GALNT7: variants seen among roughly 807,000 people sequenced by gnomAD.
GALNT7 encodes the protein N-acetylgalactosaminyltransferase 7.
In GALNT7, 60 loss-of-function variants were observed where a neutral mutation model predicts 82.1. That is an observed-to-expected ratio of 0.73 (90% CI 0.59 to 0.91). The LOEUF is 0.91. Ranked by LOEUF, GALNT7 falls within the 40% of genes least tolerant of loss-of-function variation. GALNT7 has a pLI of 0.00. For missense variants in GALNT7, 660 were observed against 804.2 expected (o/e 0.82, Z 2.17); for synonymous variants, 243 against 275.1 (o/e 0.88, Z 1.15).
chr4:173,176,174 A>G (rs1392079848), intron 1 of GALNT7, among the ~76,000 whole-genome samples: 1 of 152,222 alleles, frequency 6.6e-6, no homozygotes, highest in East Asian at 1.9e-4. Flanking sequence ...TTCAGGAGTA[A>G]GTGTAAGACT....
At chr4:173,291,527 A>T (rs1367776613) in intron 2 of GALNT7, among the ~76,000 whole-genome samples, 1 of 152,242 alleles carries the variant, frequency 6.6e-6, no homozygotes, top group African/African-American at 2.4e-5. Context: ...TGTTTCAAAT[A>T]GTTGTGTAGA....
At chr4:173,248,521 TGAA>T (rs1213379090) in intron 2 of GALNT7, 81 bp downstream of exon 2, 2 of 858,946 alleles carry the variant, frequency 2.3e-6, no homozygotes, top group Non-Finnish European at 3.6e-6. Flanking sequence ...ATTGTTAGAA[TGAA>T]GAAATAATTA....
intron 2 of GALNT7, among the ~76,000 whole-genome samples, chr4:173,281,396 G>T (rs954005381): frequency 6.6e-6 from 1 of 152,128 alleles, no homozygotes; most frequent in East Asian, 1.9e-4. Flanking sequence ...TCTGAAGCCC[G>T]CTTGTCTACA....
chr4:173,279,860 A>C (rs971821742), intron 2 of GALNT7, among the ~76,000 whole-genome samples: 1 of 152,106 alleles, frequency 6.6e-6, no homozygotes, highest in African/African-American at 2.4e-5. Flanking sequence ...CTGTAGTCCC[A>C]GCTCTTCGGG....
At chr4:173,178,011 G>C (rs1318455676) in intron 1 of GALNT7, among the ~76,000 whole-genome samples, 5 of 38,398 alleles carry the variant, frequency 1.3e-4, no homozygotes, top group African/African-American at 3.7e-4. Context: ...GCAAGTCTGT[G>C]TGTGTGTGTG....
intron 2 of GALNT7, among the ~76,000 whole-genome samples, chr4:173,285,291 T>C (rs1323440392): frequency 6.6e-6 from 1 of 152,244 alleles, no homozygotes; most frequent in Non-Finnish European, 1.5e-5. Flanking sequence ...GATTTTTAAC[T>C]TTAATGTAAA....
chr4:173,256,559 C>T (rs978047927), intron 2 of GALNT7, among the ~76,000 whole-genome samples: 1 of 151,014 alleles, frequency 6.6e-6, no homozygotes, highest in Admixed American at 6.6e-5. Flanking sequence ...CCCTCCCTCC[C>T]TTCCTTCCTT....
chr4:173,246,653 TA>T (rs1262317399), intron 1 of GALNT7, among the ~76,000 whole-genome samples: 1 of 152,246 alleles, frequency 6.6e-6, no homozygotes, highest in Non-Finnish European at 1.5e-5. Context: ...ACGTCTGAAA[TA>T]ACTGACTTTC....
intron 1 of GALNT7, among the ~76,000 whole-genome samples, chr4:173,191,211 A>T (rs1732617030): frequency 6.6e-6 from 1 of 151,042 alleles, no homozygotes; most frequent in South Asian, 2.1e-4. Flanking sequence ...TGGGGTTCAG[A>T]TCTCTGGGGA....
intron 1 of GALNT7, among the ~76,000 whole-genome samples, chr4:173,196,127 ATTT>A (rs35060535): frequency 6.8e-6 from 1 of 146,056 alleles, no homozygotes; most frequent in Non-Finnish European, 1.5e-5. Context: ...TTAAGTTGGA[ATTT>A]TTTTTTTTTT....
At chr4:173,297,092 T>A (rs1365938125) in intron 5 of GALNT7, among the ~76,000 whole-genome samples, 2 of 152,212 alleles carry the variant, frequency 1.3e-5, no homozygotes, top group Non-Finnish European at 2.9e-5. Context: ...AATGTCACTT[T>A]GACATCTAAT....
intron 1 of GALNT7, among the ~76,000 whole-genome samples, chr4:173,196,333 C>T (rs988966367): frequency 6.6e-6 from 1 of 152,008 alleles, no homozygotes; most frequent in African/African-American, 2.4e-5. Context: ...CTATGTTGGC[C>T]AGGCTGGTCT....
intron 8 of GALNT7, among the ~76,000 whole-genome samples, chr4:173,306,180 T>C (rs74872246): frequency 0.03 from 4,620 of 152,278 alleles, 239 homozygotes; most frequent in African/African-American, 0.11. Context: ...GTTTTACAGA[T>C]AGACCACCGT....
Position 173,168,921 on chromosome 4 carries a change from C to A in GALNT7, c.86C>A (p.Thr29Asn), listed in dbSNP as rs1267834713. 6.2e-7 allele frequency: 1 copy of A among 1,613,742 alleles called. No homozygotes were observed. Among genetic ancestry groups the A allele is most frequent in the Admixed American group, 1.7e-5 (1 of 60,016 alleles). ...LGLVVLWSSLTPRPDDPSPLS... is the reference protein window; with the variant it reads ...LGLVVLWSSLNPRPDDPSPLS... ...CTAGTGGTCCTCTGGTCTTCCCTGA[C>A]CCCGCGGCCGGACGACCCAAGCCCG... The change falls in exon 1 of 12, where the codon ACC (threonine) becomes AAC (asparagine). Residue 29 changes from threonine (T) to asparagine (N), a missense_variant. Transcript: ENST00000265000.
At chr4:173,274,261 G>C (rs1028589128) in intron 2 of GALNT7, among the ~76,000 whole-genome samples, 2 of 152,038 alleles carry the variant, frequency 1.3e-5, no homozygotes, top group African/African-American at 4.8e-5. Flanking sequence ...TTTGAAAATA[G>C]CTACCCAAAA....
intron 1 of GALNT7, among the ~76,000 whole-genome samples, chr4:173,184,250 C>G (rs1732390578): frequency 2.0e-5 from 3 of 152,028 alleles, no homozygotes; most frequent in Non-Finnish European, 4.4e-5. Context: ...AGGCAGGCGG[C>G]TGGGAGGTGG....
chr4:173,183,040 AT>A (rs1389952150), intron 1 of GALNT7, among the ~76,000 whole-genome samples: 5 of 95,240 alleles, frequency 5.2e-5, no homozygotes, highest in Non-Finnish European at 1.0e-4. Context: ...ATCCACACAC[AT>A]AAACACACAC....
At chr4:173,298,439 G>C (rs55813649) in intron 6 of GALNT7, 142 bp downstream of exon 6, 571 of 607,150 alleles carry the variant, frequency 9.4e-4, no homozygotes, top group Admixed American at 4.3e-3. Flanking sequence ...CACTGTTTCA[G>C]AGCTTTCAAT....
chr4:173,232,600 T>C (rs766183186), intron 1 of GALNT7, among the ~76,000 whole-genome samples: 11 of 151,992 alleles, frequency 7.2e-5, no homozygotes, highest in Non-Finnish European at 1.6e-4. Context: ...GCCCTGCTGA[T>C]TTAAAAAAAA....
Sources: gnomAD v4.1 joint callset for allele counts (sites outside exome capture counted in the v4.1 genomes callset) on GRCh38, gnomAD v4.1.1 for gene constraint, MANE v1.5 for transcripts, NCBI Gene and HGNC (gene_info 2026-07-23, HGNC 2026-07-21) for gene names.